DRAM1: variants seen among roughly 807,000 people sequenced by gnomAD.
DRAM1 encodes DNA damage-regulated autophagy modulator protein 1.
A neutral mutation model predicts 28.5 loss-of-function variants in DRAM1; 25 were observed. That is an observed-to-expected ratio of 0.88 (90% CI 0.64 to 1.23). The LOEUF is 1.23. Ranked by LOEUF, DRAM1 falls within the 50% of genes most tolerant of loss-of-function variation. The probability of loss-of-function intolerance (pLI) is 0.00; values close to 1 mark genes in which losing one functional copy is unlikely to be tolerated. For synonymous variants in DRAM1, 113 were observed against 114.2 expected (o/e 0.99, Z 0.07); for missense variants, 249 against 299.2 (o/e 0.83, Z 1.24).
At chr12:101,919,430 T>C (rs1477220697) in intron 5 of DRAM1, among the ~76,000 whole-genome samples, 1 of 152,218 alleles carries the variant, frequency 6.6e-6, no homozygotes, top group Non-Finnish European at 1.5e-5. Context: ...TTATTTATTA[T>C]TGTTAATTTT....
chr12:101,921,186 T>C (rs1404688526), intron 6 of DRAM1, 30 bp from the exon 7 acceptor site: 3 of 1,525,034 alleles, frequency 2.0e-6, no homozygotes, highest in African/African-American at 2.7e-5. Flanking sequence ...TAACTTCTTT[T>C]AAACCTTTCT....
intron 1 of DRAM1, among the ~76,000 whole-genome samples, chr12:101,883,797 A>G (rs1249605081): frequency 6.6e-6 from 1 of 151,418 alleles, no homozygotes; most frequent in African/African-American, 2.4e-5. Context: ...TTAGCTGGGC[A>G]TGGTGGCATG....
intron 4 of DRAM1, among the ~76,000 whole-genome samples, chr12:101,909,639 TTTC>T (rs1305834863): frequency 6.6e-6 from 1 of 152,336 alleles, no homozygotes; most frequent in Non-Finnish European, 1.5e-5. Context: ...TGTTTAGCCT[TTTC>T]TTTTTATAGT....
intron 3 of DRAM1, among the ~76,000 whole-genome samples, chr12:101,906,688 C>G (rs904016907): frequency 6.6e-6 from 1 of 151,730 alleles, no homozygotes; most frequent in Admixed American, 6.6e-5. Flanking sequence ...ACCCCCGTCT[C>G]TACTGAAAAC....
chr12:101,920,991 A>G (rs1285492713), intron 6 of DRAM1, among the ~76,000 whole-genome samples: 2 of 152,234 alleles, frequency 1.3e-5, no homozygotes, highest in Non-Finnish European at 2.9e-5. Flanking sequence ...AGAAGATGGG[A>G]CTATATCAGA....
chr12:101,897,834 A>G, intron 1 of DRAM1, 29 bp from the exon 2 acceptor site: 1 of 1,555,598 alleles, frequency 6.4e-7, no homozygotes, highest in Non-Finnish European at 8.9e-7. Flanking sequence ...TTTCTTTCTA[A>G]TAATTTGGAC....
chr12:101,880,654 A>G (rs1011933704), intron 1 of DRAM1, among the ~76,000 whole-genome samples: 1 of 152,120 alleles, frequency 6.6e-6, no homozygotes, highest in Non-Finnish European at 1.5e-5. Flanking sequence ...GAGGACAGAT[A>G]ATACGTGATA....
intron 2 of DRAM1, among the ~76,000 whole-genome samples, chr12:101,900,913 G>A (rs902065701): frequency 6.6e-6 from 1 of 152,104 alleles, no homozygotes; most frequent in Non-Finnish European, 1.5e-5. Flanking sequence ...AATAAATATA[G>A]TATCTCATAC....
At chr12:101,885,338 G>A (rs998983454) in intron 1 of DRAM1, among the ~76,000 whole-genome samples, 1 of 151,982 alleles carries the variant, frequency 6.6e-6, no homozygotes, top group African/African-American at 2.4e-5. Flanking sequence ...TGTGTCAAGC[G>A]CTGACTTTCA....
chr12:101,894,166 G>A (rs969039443), intron 1 of DRAM1, among the ~76,000 whole-genome samples: 2 of 152,078 alleles, frequency 1.3e-5, no homozygotes, highest in Non-Finnish European at 2.9e-5. Flanking sequence ...TGCCTAGGCT[G>A]GAGTGCAATG....
At chr12:101,906,881 AAAGAAAAG>A (rs1214309203) in intron 3 of DRAM1, among the ~76,000 whole-genome samples, 10 of 148,478 alleles carry the variant, frequency 6.7e-5, no homozygotes, top group African/African-American at 2.6e-4. Context: ...AAAGAAAAGA[AAAGAAAAG>A]AAGGGAGCCA....
chr12:101,905,783 T>TTATTTATTTATTTATG (rs1410345657), intron 3 of DRAM1, among the ~76,000 whole-genome samples: 4 of 149,138 alleles, frequency 2.7e-5, no homozygotes, highest in Non-Finnish European at 5.9e-5. Flanking sequence ...ATTTATTTAT[T>TTATTTATTTATTTATG]TATGTATTTA....
At chr12:101,919,911 A>C (rs1170852411) in intron 5 of DRAM1, 198 bp from the exon 6 acceptor site, 1 of 394,582 alleles carries the variant, frequency 2.5e-6, no homozygotes, top group Admixed American at 4.5e-5. Flanking sequence ...AGAACTTTGG[A>C]ATACCTGCCT....
rs1462940818 is a variant in DRAM1 at position 101,877,879 on chromosome 12, C to G, written c.90C>G (p.Ala30=). 1 of 1,544,420 alleles carries G rather than the reference C, an allele frequency of 6.5e-7. No homozygotes were observed. Among genetic ancestry groups the G allele is most frequent in the Non-Finnish European group, 8.7e-7 (1 of 1,142,914 alleles). Residue 30 remains alanine (A), a synonymous_variant, in exon 1 of 7, where the codon GCC becomes GCG. Coordinates refer to ENST00000258534, the MANE Select transcript of DRAM1 (RefSeq NM_018370.3). This position sits in a 1 kb window ranked among gnomAD's most constrained non-coding sequence, Gnocchi z 4.1. ...CCTTCATTATCTCCTACGTGGTCGC[C>G]GTGCTCTCCGGGCACGTCAACCCCT... ...SAAFIISYVV[A]VLSGHVNPFL... is the part of the protein sequence containing the mutation.
chr12:101,915,762 G>C (rs538853548), intron 5 of DRAM1, among the ~76,000 whole-genome samples: 1 of 152,036 alleles, frequency 6.6e-6, no homozygotes, highest in East Asian at 1.9e-4. Context: ...GGATTTCACC[G>C]TGTTAGCCAG....
chr12:101,906,776 A>C (rs1260620473), intron 3 of DRAM1, among the ~76,000 whole-genome samples: 1 of 146,796 alleles, frequency 6.8e-6, no homozygotes, highest in East Asian at 2.0e-4. Context: ...AATCGCTTGA[A>C]CCCGGCAGGT....
intron 1 of DRAM1, among the ~76,000 whole-genome samples, chr12:101,882,407 G>T (rs1872722282): frequency 6.6e-6 from 1 of 151,092 alleles, no homozygotes; most frequent in Non-Finnish European, 1.5e-5. Flanking sequence ...ACCGCGCCCG[G>T]CCCCTGATGG....
chr12:101,911,762 A>C (rs1166397042), intron 4 of DRAM1, among the ~76,000 whole-genome samples: 1 of 150,220 alleles, frequency 6.7e-6, no homozygotes, highest in African/African-American at 2.5e-5. Flanking sequence ...ATATTATTAC[A>C]CATTGAAATG....
At chr12:101,892,177 G>A (rs4764661) in intron 1 of DRAM1, among the ~76,000 whole-genome samples, 100,030 of 151,602 alleles carry the variant, frequency 0.66, 34,718 homozygotes, top group East Asian at 0.91. Context: ...AAAATCAGAC[G>A]TGGAAAGACA....
Sources: allele counts gnomAD v4.1 joint callset (sites outside exome capture counted in the v4.1 genomes callset), GRCh38; gene constraint gnomAD v4.1.1; non-coding constraint Gnocchi (gnomAD v3.1); transcripts MANE v1.5; gene names NCBI Gene and HGNC (gene_info 2026-07-23, HGNC 2026-07-21).